CTNNA3: variants seen among roughly 807,000 people sequenced by gnomAD.
CTNNA3 encodes the protein catenin alpha-3.
In CTNNA3, 76 loss-of-function variants were observed where a neutral mutation model predicts 95.7. The ratio of observed to expected loss-of-function variants is 0.79; its 90% confidence interval spans 0.66 to 0.96. The LOEUF (loss-of-function observed/expected upper bound fraction) is 0.96, where lower values mean the gene tolerates loss of function less well. CTNNA3 is among the 40% of genes least tolerant of loss of function. The probability of loss-of-function intolerance (pLI) is 0.00; values close to 1 mark genes in which losing one functional copy is unlikely to be tolerated. For missense variants in CTNNA3, 1,191 were observed against 1,089.8 expected (o/e 1.09, Z -1.31); for synonymous variants, 431 against 374.4 (o/e 1.15, Z -1.74).
intron 17 of CTNNA3, among the ~76,000 whole-genome samples, chr10:65,955,166 A>C (rs1366537181): frequency 1.3e-5 from 2 of 152,088 alleles, no homozygotes; most frequent in African/African-American, 4.8e-5. Flanking sequence ...ATGGGAGTTC[A>C]CTCATGATTT....
chr10:66,549,633 C>A (rs760886085), intron 10 of CTNNA3, among the ~76,000 whole-genome samples: 1 of 152,174 alleles, frequency 6.6e-6, no homozygotes, highest in Non-Finnish European at 1.5e-5. Flanking sequence ...GAATTTGCTG[C>A]TAAGCATTAC....
At chr10:67,324,882 G>T (rs1841479084) in intron 5 of CTNNA3, among the ~76,000 whole-genome samples, 1 of 151,892 alleles carries the variant, frequency 6.6e-6, no homozygotes, top group Admixed American at 6.6e-5. Flanking sequence ...TGGCTTTTTT[G>T]ATTGATAGGC....
Position 67,219,690 on chromosome 10 carries a change from T to C in CTNNA3, c.760A>G (p.Asn254Asp), listed in dbSNP as rs368470427. The C allele has an allele frequency of 3.1e-6, 5 of 1,614,130 alleles. No homozygotes were observed. The African/African-American group carries it at 5.3e-5, about 17-fold the overall frequency. ...ATATTCTGGATCCCTTGTGAAGCAT[T>C]TGAAATTACATTGAGAGCATTCTGA... is the stretch of plus-strand genomic sequence containing the variant. ...EIQNALNVISNASQGIQNMTT... is the reference protein window; with the variant it reads ...EIQNALNVISDASQGIQNMTT... The change falls in exon 6 of 18, where the codon AAT becomes GAT. Residue 254 changes from asparagine to aspartate, a missense_variant. Transcript: ENST00000433211.
intron 5 of CTNNA3, among the ~76,000 whole-genome samples, chr10:67,282,711 C>T (rs1839446927): frequency 6.6e-6 from 1 of 152,170 alleles, no homozygotes; most frequent in South Asian, 2.1e-4. Flanking sequence ...GGCTGCTCAG[C>T]TGTGGGTTTC....
chr10:66,168,928 G>A (rs1402095792), intron 13 of CTNNA3, among the ~76,000 whole-genome samples: 3 of 152,148 alleles, frequency 2.0e-5, no homozygotes, highest in Non-Finnish European at 4.4e-5. Context: ...CCTCACTAGA[G>A]ATTATAGTCC....
chr10:65,993,829 G>A (rs1173857431), intron 15 of CTNNA3, among the ~76,000 whole-genome samples: 2 of 152,132 alleles, frequency 1.3e-5, no homozygotes, highest in African/African-American at 4.8e-5. Flanking sequence ...TCCACCTCCT[G>A]GGTTCAGCCT....
chr10:65,938,266 C>T (rs2077374289), intron 17 of CTNNA3, among the ~76,000 whole-genome samples: 1 of 152,130 alleles, frequency 6.6e-6, no homozygotes, highest in African/African-American at 2.4e-5. Flanking sequence ...GATTTTGATA[C>T]TTAAACGTGC....
intron 15 of CTNNA3, among the ~76,000 whole-genome samples, chr10:66,003,076 CAT>C (rs1374597324): frequency 1.3e-5 from 2 of 152,206 alleles, no homozygotes; most frequent in African/African-American, 4.8e-5. Context: ...AATTACATGA[CAT>C]ATACTCTGCC....
At chr10:66,370,949 T>C (rs1367201566) in intron 12 of CTNNA3, among the ~76,000 whole-genome samples, 1 of 152,026 alleles carries the variant, frequency 6.6e-6, no homozygotes, top group African/African-American at 2.4e-5. Context: ...TCTCGAACAC[T>C]TGGGTTCAAG....
chr10:67,300,673 C>G (rs1038030021), intron 5 of CTNNA3, among the ~76,000 whole-genome samples: 2 of 152,214 alleles, frequency 1.3e-5, no homozygotes, highest in Non-Finnish European at 2.9e-5. Flanking sequence ...AGTGCTCAGA[C>G]CAACATATTA....
Position 67,687,627 on chromosome 10 carries a change from C to A in CTNNA3, c.-6+8373G>T, listed in dbSNP as rs557847478. Among the ~76,000 whole-genome samples, 6 of 152,082 alleles carry A rather than the reference C, an allele frequency of 3.9e-5. No individual in the cohort carries two copies. The South Asian group carries it at 1.2e-3, about 32-fold the overall frequency. Reference sequence around the variant, plus strand: ...TAATGCCTCCAGATTTTGTTCAGGGCGCAAGGCTCGCTTTTGGAGCTTTCT... The same window carrying A: ...TAATGCCTCCAGATTTTGTTCAGGGAGCAAGGCTCGCTTTTGGAGCTTTCT... On this transcript the variant is annotated intron_variant, in intron 1 of 17. Coordinates refer to ENST00000433211, the MANE Select transcript of CTNNA3 (RefSeq NM_013266.4).
chr10:66,094,647 G>A (rs569082554), intron 14 of CTNNA3, among the ~76,000 whole-genome samples: 4 of 152,164 alleles, frequency 2.6e-5, no homozygotes, highest in African/African-American at 9.6e-5. Context: ...GAAGTTTTAC[G>A]ATTTCTTTGG....
At chr10:67,395,607 C>G (rs1229960541) in intron 5 of CTNNA3, among the ~76,000 whole-genome samples, 1 of 152,158 alleles carries the variant, frequency 6.6e-6, no homozygotes, top group Non-Finnish European at 1.5e-5. Flanking sequence ...TAGATTAGTA[C>G]ATCATAGCAA....
At chr10:66,088,592 A>T (rs1395991854) in intron 14 of CTNNA3, among the ~76,000 whole-genome samples, 1 of 150,578 alleles carries the variant, frequency 6.6e-6, no homozygotes, top group Non-Finnish European at 1.5e-5. Context: ...AACATTCTAG[A>T]AGACAAAGAG....
In CTNNA3 at chr10:66,318,261, G is replaced by GATATATATATATATAT. The variant is rs1554932044; in HGVS notation, c.1733-37656_1733-37641dup. 1.2e-4 allele frequency among the ~76,000 whole-genome samples: 16 copies of GATATATATATATATAT among 137,518 alleles called. No individual in the cohort carries two copies. The South Asian group carries it at 3.9e-3, about 34-fold the overall frequency. The allele number at this position is 137,518 out of a possible 152,430, so 90.2% of individuals were successfully genotyped here. A position where few individuals can be genotyped will look rare whatever the true frequency, so the allele number is the denominator to read the frequency against. ...TCATTTGCAGGTGGAGTTGCTGGGA[G>GATATATATATATATAT]ATATATATATATATATGTGTGTGTG... On this transcript the variant is annotated intron_variant, in intron 12 of 17. Coordinates refer to ENST00000433211, the MANE Select transcript of CTNNA3 (RefSeq NM_013266.4).
chr10:67,072,797 C>A (rs1856538863), intron 7 of CTNNA3, among the ~76,000 whole-genome samples: 1 of 152,080 alleles, frequency 6.6e-6, no homozygotes, highest in Non-Finnish European at 1.5e-5. Context: ...AAAAAGAGTT[C>A]AATGGTATGT....
At chr10:67,293,856 T>G (rs2132476237) in intron 5 of CTNNA3, among the ~76,000 whole-genome samples, 1 of 152,290 alleles carries the variant, frequency 6.6e-6, no homozygotes. Context: ...TCATCATTTT[T>G]TATGGCTTTA....
At chr10:66,314,968 A>C (rs1160330935) in intron 12 of CTNNA3, among the ~76,000 whole-genome samples, 1 of 152,118 alleles carries the variant, frequency 6.6e-6, no homozygotes, top group Non-Finnish European at 1.5e-5. Context: ...AAAGAAACTT[A>C]CGATGTGTGG....
chr10:66,472,360 T>C (rs1839167917), intron 11 of CTNNA3, among the ~76,000 whole-genome samples: 1 of 151,882 alleles, frequency 6.6e-6, no homozygotes, highest in Non-Finnish European at 1.5e-5. Flanking sequence ...TATTATCCTA[T>C]AACAGATGAT....
Sources: allele counts gnomAD v4.1 joint callset (sites outside exome capture counted in the v4.1 genomes callset), GRCh38; gene constraint gnomAD v4.1.1; transcripts MANE v1.5; gene names NCBI Gene and HGNC (gene_info 2026-07-23, HGNC 2026-07-21).